The following TLR9 variants were observed in gnomAD, a reference collection of about 807,000 sequenced individuals.
TLR9 encodes the protein toll like receptor 9, also known as toll-like receptor 9.
A neutral mutation model predicts 24.6 loss-of-function variants in TLR9; 19 were observed. The ratio of observed to expected loss-of-function variants is 0.77; its 90% confidence interval spans 0.54 to 1.13. TLR9 has a LOEUF of 1.13. TLR9 is among the 50% of genes most tolerant of loss of function. TLR9 has a pLI of 0.00. For missense variants in TLR9, 1,065 were observed against 1,379.6 expected, an observed-to-expected ratio of 0.77 and a Z score of 3.61; for synonymous variants, 579 against 609.8, an observed-to-expected ratio of 0.95 and a Z score of 0.74.
Position 52,223,359 on chromosome 3 carries a change from G to A in TLR9, c.957C>T (p.Phe319=), listed in dbSNP as rs1376072048. 6.2e-7 allele frequency: 1 copy of A among 1,614,234 alleles called. No homozygotes were observed. ...NLRVLDLSEN[F]LYKCITKTKA... ...TGGTTTTAGTGATGCATTTGTAGAG[G>A]AAGTTCTCACTCAGGTCCAGCACTC... The change falls in exon 2 of 2, where the codon TTC becomes TTT. Residue 319 remains phenylalanine (F), a synonymous_variant. Transcript: ENST00000360658.
At position 52,221,766 on chromosome 3, in the gene TLR9, G is replaced by A; in HGVS notation, c.2550C>T (p.Cys850=). ...GWDLWYCFHL[C]LAWLPWRGRQ... is the part of the protein sequence containing the mutation. ...GCCCCCGCCAGGGAAGCCAGGCCAG[G>A]CACAGGTGGAAGCAGTACCAGAGGT... Residue 850 remains cysteine, a synonymous_variant, in exon 2 of 2, where the codon TGC becomes TGT. Coordinates refer to ENST00000360658, the MANE Select transcript of TLR9 (RefSeq NM_017442.4). The surrounding 1 kb of genome is among the most constrained non-coding windows in gnomAD (Gnocchi z 9.9). 5.6e-6 allele frequency: 9 copies of A among 1,613,976 alleles called. No homozygotes were observed. The highest frequency in any genetic ancestry group is 1.3e-5 in the African/African-American group (1 of 75,060).
Position 52,222,517 on chromosome 3 carries a change from A to G in TLR9, c.1799T>C (p.Leu600Pro), listed in dbSNP as rs1431030598. Residue 600 changes from leucine to proline, a missense_variant, in exon 2 of 2, where the codon CTG becomes CCG. By Grantham distance (98) the Leu-to-Pro change is moderately conservative. Coordinates refer to ENST00000360658, the MANE Select transcript of TLR9 (RefSeq NM_017442.4). ...QVSQQLCSTS[L>P]RALDFSGNAL... ...ATTGCCGCTGAAGTCCAGGGCCCGC[A>G]GCGACGTACTGCAGAGCTGCTGGGA... 3 of 1,614,218 alleles carry G rather than the reference A, an allele frequency of 1.9e-6. No individual in the cohort carries two copies. In the African/African-American group the frequency reaches 4.0e-5, roughly 22 times the overall value.
Position 52,221,223 on chromosome 3 carries a change from G to C in TLR9, c.3093C>G (p.Ala1031=). 6.6e-7 allele frequency: 1 copy of C among 1,511,042 alleles called. No homozygotes were observed. The highest frequency in any genetic ancestry group is 8.9e-7 in the Non-Finnish European group (1 of 1,129,562). The allele number at this position is 1,511,042 out of a possible 1,614,324, so 93.6% of individuals were successfully genotyped here. A position where few individuals can be genotyped will look rare whatever the true frequency, so the allele number is the denominator to read the frequency against. ...YNRNFCQGPT[A]E ...GCAGGATTCCGGCTCACGGCTATTC[G>C]GCCGTGGGTCCCTGGCAGAAGTTCC... The change falls in exon 2 of 2, where the codon GCC becomes GCG. Residue 1031 remains alanine (A), a synonymous_variant. Coordinates refer to ENST00000360658, the MANE Select transcript of TLR9 (RefSeq NM_017442.4). The surrounding 1 kb of genome is among the most constrained non-coding windows in gnomAD (Gnocchi z 9.9).
At position 52,222,692 on chromosome 3, in the gene TLR9, T is replaced by A; in HGVS notation, c.1624A>T (p.Thr542Ser). Residue 542 changes from threonine (T) to serine (S), a missense_variant, in exon 2 of 2, where the codon ACG becomes TCG. Physicochemically the swap from Thr to Ser is moderately conservative, Grantham distance 58. Coordinates refer to ENST00000360658, the MANE Select transcript of TLR9 (RefSeq NM_017442.4). ...AGGGCCTCCAGTCGCGGTAGCTCCG[T>A]GAATGAGTGCTCGTGGTAGAGGTCC... ...KLDLYHEHSF[T>S]ELPRLEALDL... 1 of 1,613,172 alleles carries A rather than the reference T, an allele frequency of 6.2e-7. No homozygotes were observed. The highest frequency in any genetic ancestry group is 2.2e-5 in the East Asian group (1 of 44,836).
At chr3:52,224,474 T>C (rs557551721) in intron 1 of TLR9, among the ~76,000 whole-genome samples, 162 bp from the exon 2 acceptor site, 2 of 152,136 alleles carry the variant, frequency 1.3e-5, no homozygotes, top group Non-Finnish European at 2.9e-5. Context: ...CCATGGCTTG[T>C]GGGGAACCTG....
chr3:52,221,083 C>G lies in TLR9; in HGVS notation c.*134G>C, dbSNP rs1699545292. On this transcript the variant is annotated 3_prime_UTR_variant, in exon 2 of 2. Transcript: ENST00000360658. This position sits in a 1 kb window ranked among gnomAD's most constrained non-coding sequence, Gnocchi z 9.9. ...AGTGAGCTCAGAGTTAGCCATCTAG[C>G]CTTCGGTAGCATTTATTGAGTGCCT... 1 of 800,190 alleles carries G rather than the reference C, an allele frequency of 1.2e-6. No individual in the cohort carries two copies. The highest frequency in any genetic ancestry group is 2.5e-5 in the South Asian group (1 of 39,618). The allele number at this position is 800,190 out of a possible 1,614,324, so 49.6% of individuals were successfully genotyped here. A position where few individuals can be genotyped will look rare whatever the true frequency, so the allele number is the denominator to read the frequency against.
chr3:52,224,350 C>T, intron 1 of TLR9, 38 bp from the exon 2 acceptor site: 2 of 1,493,712 alleles, frequency 1.3e-6, no homozygotes, highest in African/African-American at 1.4e-5. Context: ...GGCCGGCCCC[C>T]AGCTCTACCT....
In TLR9 at chr3:52,223,945, G is replaced by T. The variant is rs974162456; in HGVS notation, c.371C>A (p.Thr124Asn). Reference sequence around the variant, plus strand: ...GTAGCTCAGGTTTAGCTCTTCCAGGGTGGGCACAGCCAAGAAGGTGCTGGG... The same window carrying T: ...GTAGCTCAGGTTTAGCTCTTCCAGGTTGGGCACAGCCAAGAAGGTGCTGGG... ...IEPSTFLAVP[T>N]LEELNLSYNN... The change falls in exon 2 of 2, where the codon ACC (threonine) becomes AAC (asparagine). Residue 124 changes from threonine to asparagine, a missense_variant. Physicochemically the swap from Thr to Asn is moderately conservative, Grantham distance 65. Transcript: ENST00000360658. 2 of 1,593,076 alleles carry T rather than the reference G, an allele frequency of 1.3e-6. No homozygotes were observed. The highest frequency in any genetic ancestry group is 1.1e-5 in the South Asian group (1 of 88,586).
At position 52,221,322 on chromosome 3, in the gene TLR9, CTGG is replaced by C; in HGVS notation, c.2991_2993del (p.His997del). On this transcript the variant is annotated inframe_deletion, in exon 2 of 2. Coordinates refer to ENST00000360658, the MANE Select transcript of TLR9 (RefSeq NM_017442.4). This position sits in a 1 kb window ranked among gnomAD's most constrained non-coding sequence, Gnocchi z 9.9. ...CCCAGAAGCTGCGCTGACCACTGGG[CTGG>C]TGGGGCCAGAGGAGGACACTCTGGC... 3.8e-6 allele frequency: 6 copies of C among 1,566,686 alleles called. No homozygotes were observed. The highest frequency in any genetic ancestry group is 4.3e-6 in the Non-Finnish European group (5 of 1,155,312).
intron 1 of TLR9, 130 bp downstream of exon 1, chr3:52,225,397 T>C (rs1699610491): frequency 8.6e-7 from 1 of 1,161,348 alleles, no homozygotes; most frequent in Admixed American, 2.3e-5. Flanking sequence ...GTCTTCAGGA[T>C]TCAGTGAGTG....
At position 52,223,857 on chromosome 3, in the gene TLR9, G is replaced by T; in HGVS notation, c.459C>A (p.Thr153=). ...TGGCAGAGTCTAGCATCAGGATGTT[G>T]GTATGGCTGAGGGACAGGGATATGA... ...KSLISLSLSH[T]NILMLDSASL... is the part of the protein sequence containing the mutation. The change falls in exon 2 of 2, where the codon ACC becomes ACA. Residue 153 remains threonine, a synonymous_variant. Transcript: ENST00000360658. 6.2e-7 allele frequency: 1 copy of T among 1,612,518 alleles called. No individual in the cohort carries two copies. The highest frequency in any genetic ancestry group is 8.5e-7 in the Non-Finnish European group (1 of 1,179,112).
chr3:52,222,437 G>A lies in TLR9; in HGVS notation c.1879C>T (p.Leu627=), dbSNP rs140145383. Residue 627 remains leucine (L), a synonymous_variant, in exon 2 of 2, where the codon CTG becomes TTG. Coordinates refer to ENST00000360658, the MANE Select transcript of TLR9 (RefSeq NM_017442.4). The part of the protein sequence containing the change: ...GDLYLHFFQG[L]SGLIWLDLSQ... ...AAGTCCAGCCAGATCAAACCGCTCA[G>A]GCCTTGGAAGAAGTGCAGATAGAGG... 145 of 1,614,236 alleles carry A rather than the reference G, an allele frequency of 9.0e-5. No individual in the cohort carries two copies. In the Middle Eastern group the frequency reaches 9.9e-4, roughly 11 times the overall value.
Position 52,223,712 on chromosome 3 carries a change from T to G in TLR9, c.604A>C (p.Thr202Pro), listed in dbSNP as rs1577980966. The change falls in exon 2 of 2, where the codon ACC becomes CCC. Residue 202 changes from threonine (T) to proline (P), a missense_variant. Coordinates refer to ENST00000360658, the MANE Select transcript of TLR9 (RefSeq NM_017442.4). ...PGALLGLGNLTHLSLKYNNLT... is the reference protein window; with the variant it reads ...PGALLGLGNLPHLSLKYNNLT... ...TTGTTGTACTTGAGTGACAGGTGGG[T>G]GAGGTTGCCCAGGCCAAGGAGGGCA... 6.3e-7 allele frequency: 1 copy of G among 1,592,444 alleles called. No individual in the cohort carries two copies. Among genetic ancestry groups the G allele is most frequent in the Non-Finnish European group, 8.6e-7 (1 of 1,168,400 alleles).
Position 52,221,312 on chromosome 3 carries a change from G to C in TLR9, c.3004C>G (p.Gln1002Glu), listed in dbSNP as rs1699548486. 1.3e-6 allele frequency: 2 copies of C among 1,554,914 alleles called. No individual in the cohort carries two copies. The highest frequency in any genetic ancestry group is 2.7e-5 in the African/African-American group (2 of 72,900). ...CCCAGCTGGGCCCAGAAGCTGCGCT[G>C]ACCACTGGGCTGGTGGGGCCAGAGG... ...VLLWPHQPSG[Q>E]RSFWAQLGMA... The change falls in exon 2 of 2, where the codon CAG becomes GAG. Residue 1002 changes from glutamine (Q) to glutamate (E), a missense_variant. By Grantham distance (29) the Gln-to-Glu change is conservative. Coordinates refer to ENST00000360658, the MANE Select transcript of TLR9 (RefSeq NM_017442.4). The surrounding 1 kb of genome is among the most constrained non-coding windows in gnomAD (Gnocchi z 9.9).
intron 1 of TLR9, 66 bp downstream of exon 1, chr3:52,225,461 C>A (rs943745231): frequency 6.2e-7 from 1 of 1,604,450 alleles, no homozygotes; most frequent in Non-Finnish European, 8.5e-7. Flanking sequence ...GCTGCCAAGC[C>A]CACTTCTTTC....
chr3:52,225,535 G>A lies in TLR9; in HGVS notation c.-6C>T. The A allele has an allele frequency of 3.8e-6, 6 of 1,584,604 alleles. No homozygotes were observed. Among genetic ancestry groups the A allele is most frequent in the Non-Finnish European group, 4.3e-6 (5 of 1,170,022 alleles). On this transcript the variant is annotated 5_prime_UTR_variant, in exon 1 of 2. Transcript: ENST00000360658. ...GAGAGCTGTTGTCCTACCATGCTGG[G>A]GGGCAGGGGCTTCTCCAGAGGGTCT...
chr3:52,222,358 T>C lies in TLR9; in HGVS notation c.1958A>G (p.Lys653Arg), dbSNP rs150805215. 9 of 1,614,054 alleles carry C rather than the reference T, an allele frequency of 5.6e-6. No homozygotes were observed. In the African/African-American group the frequency reaches 9.3e-5, roughly 17 times the overall value. The change falls in exon 2 of 2, where the codon AAG (lysine) becomes AGG (arginine). Residue 653 changes from lysine to arginine, a missense_variant. Transcript: ENST00000360658. The stretch of plus-strand genomic sequence containing the variant: ...ACGGAGACGCAGCACCTGTAGGCTC[T>C]TGGGGAGGTTGCGCAGGGTTTGGGG... ...LLPQTLRNLP[K>R]SLQVLRLRDN... is the part of the protein sequence containing the mutation.
rs1199283083 is a variant in TLR9, at chr3:52,221,865, G to A, written c.2451C>T (p.Asp817=). Residue 817 remains aspartate (D), a synonymous_variant, in exon 2 of 2, where the codon GAC becomes GAT. Coordinates refer to ENST00000360658, the MANE Select transcript of TLR9 (RefSeq NM_017442.4). This position sits in a 1 kb window ranked among gnomAD's most constrained non-coding sequence, Gnocchi z 9.9. ...CAGCCAGCAGCGAGAGGGCGAAACA[G>A]TCCCAGGAGAGGGCCTCATCCAGGC... ...RLCLDEALSW[D]CFALSLLAVA... is the part of the protein sequence containing the mutation. The A allele has an allele frequency of 1.9e-6, 3 of 1,613,876 alleles. No individual in the cohort carries two copies. The highest frequency in any genetic ancestry group is 2.5e-6 in the Non-Finnish European group (3 of 1,180,004).
At position 52,224,291 on chromosome 3, in the gene TLR9, G is replaced by A. The variant is rs202195635; in HGVS notation, c.25C>T (p.His9Tyr). The change falls in exon 2 of 2, where the codon CAC becomes TAC. Residue 9 changes from histidine (H) to tyrosine (Y), a missense_variant. His to Tyr is a moderately conservative substitution (Grantham distance 83). Coordinates refer to ENST00000360658, the MANE Select transcript of TLR9 (RefSeq NM_017442.4). Reference protein sequence around the residue: MGFCRSALHPLSLLVQAIM... With the variant: MGFCRSALYPLSLLVQAIM... ...GCCTGCACCAGGAGAGACAGCGGGTGCAGGGCGCTGCGGCAGAAACCCTGT... is the reference window on the plus strand; with the variant it reads ...GCCTGCACCAGGAGAGACAGCGGGTACAGGGCGCTGCGGCAGAAACCCTGT... 1.7e-5 allele frequency: 27 copies of A among 1,592,488 alleles called. No individual in the cohort carries two copies. The highest frequency in any genetic ancestry group is 1.3e-4 in the Admixed American group (7 of 55,524).
Sources: gnomAD v4.1 joint callset for allele counts (sites outside exome capture counted in the v4.1 genomes callset) on GRCh38, gnomAD v4.1.1 for gene constraint, Gnocchi (gnomAD v3.1) non-coding constraint, MANE v1.5 for transcripts, NCBI Gene and HGNC (gene_info 2026-07-23, HGNC 2026-07-21) for gene names.